The following DNAH7 variants were observed in gnomAD, a reference collection of about 807,000 sequenced individuals.
DNAH7 encodes axonemal beta dynein heavy chain 7.
A neutral mutation model predicts 444.6 loss-of-function variants in DNAH7; 397 were observed. That is an observed-to-expected ratio of 0.89 (90% CI 0.82 to 0.97). The LOEUF is 0.97. DNAH7 is among the 50% of genes least tolerant of loss of function. DNAH7 has a pLI of 0.00. For missense variants in DNAH7, 4,902 were observed against 4,800.8 expected, an observed-to-expected ratio of 1.02 and a Z score of -0.62; for synonymous variants, 1,636 against 1,624.4, an observed-to-expected ratio of 1.01 and a Z score of -0.17.
In DNAH7 at chr2:195,960,287, A is replaced by G; in HGVS notation, c.2864T>C (p.Phe955Ser). 6.2e-7 allele frequency: 1 copy of G among 1,612,116 alleles called. No homozygotes were observed. Among genetic ancestry groups the G allele is most frequent in the Non-Finnish European group, 8.5e-7 (1 of 1,179,102 alleles). Residue 955 changes from phenylalanine (F) to serine (S), a missense_variant, in exon 18 of 65, where the codon TTC becomes TCC. Transcript: ENST00000312428. ...CATTTGTTTTTCATAAGGCTTAATG[A>G]AAGGAGATCCTCGCATAGTTTGTGT... ...IKTQTMRGSPFIKPYEKQMRE... is the reference protein window; with the variant it reads ...IKTQTMRGSPSIKPYEKQMRE...
chr2:195,743,119 C>T (rs1204919395), intron 63 of DNAH7, among the ~76,000 whole-genome samples: 2 of 152,230 alleles, frequency 1.3e-5, no homozygotes, highest in Non-Finnish European at 2.9e-5. Context: ...CACCCTTAAA[C>T]ATCAGCCTCC....
intron 40 of DNAH7, among the ~76,000 whole-genome samples, chr2:195,867,684 A>G (rs1457126723): frequency 6.6e-6 from 1 of 152,234 alleles, no homozygotes; most frequent in Admixed American, 6.5e-5. Flanking sequence ...GAATCATATC[A>G]TAGGTGACCT....
At chr2:196,067,610 G>A (rs1159954113) in intron 1 of DNAH7, among the ~76,000 whole-genome samples, 1 of 151,904 alleles carries the variant, frequency 6.6e-6, no homozygotes, top group African/African-American at 2.4e-5. Flanking sequence ...AGCATTTCAG[G>A]TATTAATTAC....
rs369035253 is a variant in DNAH7, at chr2:196,058,145, T to C, written c.16-29A>G. 1.3e-4 allele frequency: 196 copies of C among 1,548,136 alleles called. 1 individual carries two copies. The highest frequency in any genetic ancestry group is 3.4e-4 in the Middle Eastern group (2 of 5,830). On this transcript the variant is annotated intron_variant, in intron 1 of 64. Transcript: ENST00000312428. ...TATGAAAAACATGAAAAAACAAAAC[T>C]GTTTACTCCGTTAATGCTAAAATTG...
At chr2:195,870,394 T>G (rs1574621614) in intron 40 of DNAH7, among the ~76,000 whole-genome samples, 1 of 151,628 alleles carries the variant, frequency 6.6e-6, no homozygotes, top group African/African-American at 2.4e-5. Flanking sequence ...AGGAAGGAAG[T>G]GGGCAAGCCT....
intron 47 of DNAH7, 36 bp from the exon 48 acceptor site, chr2:195,834,396 A>G (rs1698228799): frequency 1.3e-6 from 2 of 1,566,158 alleles, no homozygotes; most frequent in South Asian, 2.3e-5. Context: ...TGGTCAAGCC[A>G]TGATTTGTTT....
intron 53 of DNAH7, among the ~76,000 whole-genome samples, chr2:195,808,140 GTGTTAA>G (rs1696795776): frequency 6.6e-6 from 1 of 152,104 alleles, no homozygotes. Context: ...ATTAGCCCTT[GTGTTAA>G]AGAAAAATTG....
chr2:195,968,767 C>G (rs1691651009), intron 17 of DNAH7, among the ~76,000 whole-genome samples: 1 of 152,186 alleles, frequency 6.6e-6, no homozygotes, highest in Middle Eastern at 3.2e-3. Context: ...CTTTAGCCCA[C>G]AGTGGCACGG....
In DNAH7 at chr2:195,875,828, C is replaced by T; in HGVS notation, c.6133G>A (p.Asp2045Asn). 1 of 1,603,712 alleles carries T rather than the reference C, an allele frequency of 6.2e-7. No individual in the cohort carries two copies. Among genetic ancestry groups the T allele is most frequent in the South Asian group, 1.1e-5 (1 of 88,546 alleles). ...ACCTCCCGAGCAGGCATATTGACAT[C>T]ATCTACAAAGACAACCTGAGAATGA... ...LGKRMVVFVD[D>N]VNMPAREVYG... is the part of the protein sequence containing the mutation. The change falls in exon 38 of 65, where the codon GAT (aspartate) becomes AAT (asparagine). Residue 2045 changes from aspartate (D) to asparagine (N), a missense_variant. Physicochemically the swap from Asp to Asn is conservative, Grantham distance 23. Coordinates refer to ENST00000312428, the MANE Select transcript of DNAH7 (RefSeq NM_018897.3).
At chr2:195,861,254 C>T (rs549916134) in intron 42 of DNAH7, among the ~76,000 whole-genome samples, 1 of 151,992 alleles carries the variant, frequency 6.6e-6, no homozygotes, top group South Asian at 2.1e-4. Context: ...AAGTCACCCT[C>T]CAGAACATTA....
intron 30 of DNAH7, among the ~76,000 whole-genome samples, chr2:195,892,196 T>C (rs919805424): frequency 2.0e-5 from 3 of 152,230 alleles, no homozygotes; most frequent in Non-Finnish European, 2.9e-5. Flanking sequence ...TATTCTTCTA[T>C]GTTTTCTTTT....
intron 51 of DNAH7, among the ~76,000 whole-genome samples, chr2:195,813,797 A>G (rs563540725): frequency 4.6e-5 from 7 of 152,334 alleles, no homozygotes; most frequent in African/African-American, 1.7e-4. Flanking sequence ...CTTTGAGGAG[A>G]GAGTTTCTGG....
chr2:195,812,409 ATT>A (rs1697012656), intron 51 of DNAH7, among the ~76,000 whole-genome samples: 1 of 152,140 alleles, frequency 6.6e-6, no homozygotes, highest in Non-Finnish European at 1.5e-5. Context: ...ATACATGCAT[ATT>A]TGTACAGCAA....
At chr2:195,764,830 G>A (rs1438151485) in intron 61 of DNAH7, among the ~76,000 whole-genome samples, 1 of 151,372 alleles carries the variant, frequency 6.6e-6, no homozygotes, top group Non-Finnish European at 1.5e-5. Flanking sequence ...TATAGATTCA[G>A]TGCAACCCCC....
chr2:195,936,909 A>C (rs1689092791), intron 19 of DNAH7, 117 bp from the exon 20 acceptor site: 1 of 877,590 alleles, frequency 1.1e-6, no homozygotes, highest in Admixed American at 3.6e-5. Flanking sequence ...GTAAATTTTA[A>C]GGGGAGTATT....
chr2:196,048,704 T>C (rs555913702), intron 3 of DNAH7, among the ~76,000 whole-genome samples: 2 of 152,212 alleles, frequency 1.3e-5, no homozygotes, highest in Non-Finnish European at 2.9e-5. Flanking sequence ...CTTTAAACCT[T>C]CTATTTTAAT....
At chr2:196,026,181 A>G (rs1695675453) in intron 7 of DNAH7, among the ~76,000 whole-genome samples, 1 of 152,224 alleles carries the variant, frequency 6.6e-6, no homozygotes, top group South Asian at 2.1e-4. Flanking sequence ...TGTAGATGAC[A>G]TGCAAATGAA....
intron 47 of DNAH7, among the ~76,000 whole-genome samples, chr2:195,839,607 T>C (rs1698561723): frequency 1.3e-5 from 2 of 151,722 alleles, no homozygotes; most frequent in African/African-American, 4.8e-5. Context: ...ACAAAATTTA[T>C]CAAACTCTAG....
chr2:195,976,271 A>T (rs1313500670), intron 15 of DNAH7, among the ~76,000 whole-genome samples: 1 of 152,184 alleles, frequency 6.6e-6, no homozygotes, highest in Non-Finnish European at 1.5e-5. Context: ...CCTTAAGTGA[A>T]CATTGGCTGT....
Sources: allele counts gnomAD v4.1 joint callset (sites outside exome capture counted in the v4.1 genomes callset), GRCh38; gene constraint gnomAD v4.1.1; transcripts MANE v1.5; gene names NCBI Gene and HGNC (gene_info 2026-07-23, HGNC 2026-07-21).